Variants in NPAS3 observed in about 807,000 individuals in gnomAD.
NPAS3 encodes neuronal PAS domain-containing protein 3.
Under a neutral mutation model 73.1 loss-of-function variants are expected in NPAS3, and 14 were observed. The ratio of observed to expected loss-of-function variants is 0.19; its 90% CI spans 0.13 to 0.30. The LOEUF (loss-of-function observed/expected upper bound fraction) is 0.30. NPAS3 is among the 10% of genes least tolerant of loss of function. The pLI is 1.00. For missense variants in NPAS3, 1,096 were observed against 1,250.0 expected (o/e 0.88, Z 1.86); for synonymous variants, 620 against 541.5 (o/e 1.14, Z -2.01).
At chr14:33,367,589 C>CTG (rs1555382724) in intron 4 of NPAS3, among the ~76,000 whole-genome samples, 1 of 151,316 alleles carries the variant, frequency 6.6e-6, no homozygotes, top group Non-Finnish European at 1.5e-5. Context: ...GTAAGTGGAT[C>CTG]TGTGTGTGTC....
chr14:33,405,798 A>G (rs1296094864), intron 4 of NPAS3, among the ~76,000 whole-genome samples: 1 of 152,172 alleles, frequency 6.6e-6, no homozygotes, highest in Non-Finnish European at 1.5e-5. Flanking sequence ...CACTCAGTTT[A>G]GCAACCTTCT....
intron 4 of NPAS3, among the ~76,000 whole-genome samples, chr14:33,441,241 A>G (rs12147072): frequency 1.3e-5 from 2 of 152,008 alleles, no homozygotes; most frequent in South Asian, 4.1e-4. Flanking sequence ...CTATAAACTT[A>G]TTATGCATAT....
At chr14:33,537,080 T>C (rs1159799588) in intron 4 of NPAS3, among the ~76,000 whole-genome samples, 1 of 152,200 alleles carries the variant, frequency 6.6e-6, no homozygotes, top group Non-Finnish European at 1.5e-5. Flanking sequence ...GAAGTTAATA[T>C]ATCTGACAGG....
rs34619014 is a variant in NPAS3, at chr14:33,753,358, T to TAAAAAAAAA, written c.852+18033_852+18041dup. On this transcript the variant is annotated intron_variant, in intron 7 of 11. Coordinates refer to ENST00000356141, the Ensembl canonical transcript of NPAS3. ...GCTTAAGATGATTCTGTTAAATTGA[T>TAAAAAAAAA]AAAAAAAAAAAAAAACGTACACTCC... 7.4e-3 allele frequency among the ~76,000 whole-genome samples: 956 copies of TAAAAAAAAA among 129,350 alleles called. 16 individuals carry two copies. The highest frequency in any genetic ancestry group is 0.025 in the African/African-American group (886 of 35,744). The allele number at this position is 129,350 out of a possible 152,430, so 84.9% of individuals were successfully genotyped here. A position where few individuals can be genotyped will look rare whatever the true frequency, so the allele number is the denominator to read the frequency against.
chr14:33,252,057 C>CTG (rs3057325), intron 3 of NPAS3, among the ~76,000 whole-genome samples: 13,742 of 145,192 alleles, frequency 0.095, 633 homozygotes, highest in Non-Finnish European at 0.1. Flanking sequence ...GTGTGTGTGT[C>CTG]TGTGTGTGTG....
intron 2 of NPAS3, among the ~76,000 whole-genome samples, chr14:33,094,279 G>C (rs563436731): frequency 2.0e-4 from 30 of 152,050 alleles, no homozygotes; most frequent in Non-Finnish European, 2.9e-5. Context: ...AATAAATAAT[G>C]ATTAGAAAAT....
chr14:33,151,948 A>G (rs1451032463), intron 2 of NPAS3, among the ~76,000 whole-genome samples: 2 of 152,162 alleles, frequency 1.3e-5, no homozygotes, highest in Non-Finnish European at 1.5e-5. Flanking sequence ...TTGGATAGAT[A>G]TATTACGTAT....
At chr14:33,308,525 T>TACACACAC (rs1280716729) in intron 3 of NPAS3, among the ~76,000 whole-genome samples, 2,362 of 82,378 alleles carry the variant, frequency 0.029, 69 homozygotes, top group Admixed American at 0.033. Flanking sequence ...TATATATATA[T>TACACACAC]ATACATACAC....
In NPAS3 at chr14:33,105,899, G is replaced by C. The variant is rs547858715; in HGVS notation, c.140+49905G>C. Among the ~76,000 whole-genome samples the C allele has an allele frequency of 4.6e-5, 7 of 152,260 alleles. No homozygotes were observed. The South Asian group carries it at 1.4e-3, about 32-fold the overall frequency. ...TTATTCCTACAGGAGTTATTTAAAA[G>C]ACTGAAGCTTAGATGAGGAGAAATG... On this transcript the variant is annotated intron_variant, in intron 2 of 11. Coordinates refer to ENST00000356141, the Ensembl canonical transcript of NPAS3.
exon 12 of NPAS3, chr14:33,799,936 C>T (rs2063636448): frequency 6.2e-7 from 1 of 1,613,980 alleles, no homozygotes. Context: ...CCAAGGCGGG[C>T]GAGGACGGCT....
intron 1 of NPAS3, among the ~76,000 whole-genome samples, chr14:33,016,736 T>C (rs2039410627): frequency 6.6e-6 from 1 of 152,156 alleles, no homozygotes; most frequent in Admixed American, 6.5e-5. Flanking sequence ...CTTAACCATT[T>C]ATTTCTCTGT....
At chr14:33,061,676 A>G (rs558673131) in intron 2 of NPAS3, among the ~76,000 whole-genome samples, 4 of 152,224 alleles carry the variant, frequency 2.6e-5, no homozygotes, top group Non-Finnish European at 5.9e-5. Context: ...TTTAACAAAT[A>G]TATTTTAATC....
intron 3 of NPAS3, among the ~76,000 whole-genome samples, chr14:33,287,107 G>C (rs965807172): frequency 6.6e-6 from 1 of 152,090 alleles, no homozygotes; most frequent in Non-Finnish European, 1.5e-5. Flanking sequence ...AATATAGAAA[G>C]AAAGAAACTT....
At chr14:33,359,985 C>A (rs1017789542) in intron 3 of NPAS3, among the ~76,000 whole-genome samples, 1 of 152,194 alleles carries the variant, frequency 6.6e-6, no homozygotes, top group African/African-American at 2.4e-5. Context: ...ACTCAGAAAG[C>A]AGAGCACCTT....
intron 2 of NPAS3, among the ~76,000 whole-genome samples, chr14:33,130,076 G>A (rs2043577588): frequency 6.6e-6 from 1 of 152,100 alleles, no homozygotes; most frequent in South Asian, 2.1e-4. Context: ...GTCTGTATGT[G>A]TTAACGTTTT....
At chr14:33,684,329 G>T (rs1422216385) in intron 6 of NPAS3, among the ~76,000 whole-genome samples, 2 of 150,252 alleles carry the variant, frequency 1.3e-5, no homozygotes, top group African/African-American at 4.9e-5. Context: ...ATTTTTTTGA[G>T]ATGATGGAGT....
chr14:33,506,921 A>G (rs572526777), intron 4 of NPAS3, among the ~76,000 whole-genome samples: 3 of 152,098 alleles, frequency 2.0e-5, no homozygotes, highest in African/African-American at 4.8e-5. Flanking sequence ...CTCCTATTCA[A>G]TTGTAAACTT....
At chr14:33,571,906 A>G (rs1372819365) in intron 5 of NPAS3, among the ~76,000 whole-genome samples, 1 of 152,192 alleles carries the variant, frequency 6.6e-6, no homozygotes, top group Admixed American at 6.5e-5. Context: ...TGAAGGGGAT[A>G]TGTTTATAGG....
At chr14:33,446,945 T>C (rs1594924958) in intron 4 of NPAS3, among the ~76,000 whole-genome samples, 1 of 152,276 alleles carries the variant, frequency 6.6e-6, no homozygotes, top group African/African-American at 2.4e-5. Flanking sequence ...TACGTTTGTA[T>C]GTAGCTACCT....
Sources: gnomAD v4.1 joint callset for allele counts (sites outside exome capture counted in the v4.1 genomes callset) on GRCh38, gnomAD v4.1.1 for gene constraint, MANE v1.5 for transcripts, NCBI Gene and HGNC (gene_info 2026-07-23, HGNC 2026-07-21) for gene names.